RARB: variants seen among roughly 807,000 people sequenced by gnomAD.
RARB encodes the protein HBV-activated protein.
In RARB, 17 loss-of-function variants were observed where a neutral mutation model predicts 51.9. The observed-to-expected ratio is 0.33, with a 90% CI of 0.22 to 0.49. The LOEUF (loss-of-function observed/expected upper bound fraction) is 0.49. RARB is among the 20% of genes least tolerant of loss of function. The pLI, the probability that RARB is intolerant of heterozygous loss-of-function variation, is 0.99. For synonymous variants in RARB, 215 were observed against 195.4 expected, an observed-to-expected ratio of 1.10 and a Z score of -0.84; for missense variants, 369 against 550.8, an observed-to-expected ratio of 0.67 and a Z score of 3.30.
At chr3:24,938,635 C>T (rs967305936) in intron 2 of RARB, among the ~76,000 whole-genome samples, 4 of 152,126 alleles carry the variant, frequency 2.6e-5, no homozygotes, top group Non-Finnish European at 5.9e-5. Flanking sequence ...TAAGCACGCT[C>T]ACAGTGTTGA....
intron 3 of RARB, among the ~76,000 whole-genome samples, chr3:25,540,307 C>G (rs1286770): frequency 4.6e-5 from 7 of 151,998 alleles, no homozygotes; most frequent in Admixed American, 4.6e-4. Flanking sequence ...GGAAGGAAAG[C>G]GGTTTAGGCT....
chr3:25,276,252 G>A (rs1407466182), intron 5 of RARB, among the ~76,000 whole-genome samples: 1 of 152,152 alleles, frequency 6.6e-6, no homozygotes, highest in African/African-American at 2.4e-5. Flanking sequence ...CTGATGTTTA[G>A]TAGTGATCTT....
At chr3:25,274,052 G>T (rs1703320202) in intron 5 of RARB, among the ~76,000 whole-genome samples, 1 of 152,122 alleles carries the variant, frequency 6.6e-6, no homozygotes. Context: ...AGTCCTTCTA[G>T]CCCAGAGCTG....
chr3:25,284,760 G>A (rs374549597), intron 5 of RARB, among the ~76,000 whole-genome samples: 8 of 152,152 alleles, frequency 5.3e-5, no homozygotes, highest in East Asian at 3.9e-4. Flanking sequence ...GCGCAAGTCC[G>A]CTTATATATG....
In RARB at chr3:25,325,572, T is replaced by A. The variant is rs995965261; in HGVS notation, c.179-135621T>A. Among the ~76,000 whole-genome samples the A allele has an allele frequency of 7.2e-5, 11 of 152,198 alleles. No homozygotes were observed. The South Asian group carries it at 2.3e-3, about 32-fold the overall frequency. On this transcript the variant is annotated intron_variant, in intron 5 of 11. Coordinates refer to the RARB transcript ENST00000383772. ...CAGGCACTTCATTTTGTGGGGGTTT[T>A]TTTTTTAATAACACCCCAACTCCTC... is the stretch of plus-strand genomic sequence containing the variant.
intron 2 of RARB, among the ~76,000 whole-genome samples, chr3:24,879,499 T>TC (rs1054782028): frequency 2.0e-5 from 3 of 149,436 alleles, no homozygotes; most frequent in Admixed American, 1.3e-4. Flanking sequence ...TTTTTTTTTT[T>TC]TTTTCTTAAC....
intron 5 of RARB, among the ~76,000 whole-genome samples, chr3:25,302,436 A>T (rs1040431262): frequency 2.0e-5 from 3 of 152,250 alleles, no homozygotes; most frequent in Non-Finnish European, 4.4e-5. Context: ...CATAAAAAAA[A>T]TGAAGTGCCG....
At chr3:25,146,511 G>GTTTTTTTTTTTTTTTTTT (rs1197635626) in intron 4 of RARB, among the ~76,000 whole-genome samples, 2 of 134,522 alleles carry the variant, frequency 1.5e-5, no homozygotes. Flanking sequence ...TTGTTTGTTT[G>GTTTTTTTTTTTTTTTTTT]TTTTTTTTTT....
chr3:25,043,466 A>G (rs1181403136), intron 2 of RARB, among the ~76,000 whole-genome samples: 1 of 152,196 alleles, frequency 6.6e-6, no homozygotes. Flanking sequence ...ATGTGTTTTT[A>G]TTTTATTTCT....
At chr3:24,961,370 T>C (rs1259939054) in intron 2 of RARB, among the ~76,000 whole-genome samples, 1 of 152,238 alleles carries the variant, frequency 6.6e-6, no homozygotes, top group Non-Finnish European at 1.5e-5. Context: ...ACATTTTCAC[T>C]GAAATCTCCC....
intron 2 of RARB, among the ~76,000 whole-genome samples, chr3:25,475,218 T>A (rs186894828): frequency 4.6e-5 from 7 of 152,296 alleles, no homozygotes; most frequent in African/African-American, 7.2e-5. Flanking sequence ...CCTTTGTTAT[T>A]TGATTATTTT....
intron 5 of RARB, among the ~76,000 whole-genome samples, chr3:25,344,882 A>C (rs1456105359): frequency 6.6e-6 from 1 of 152,162 alleles, no homozygotes; most frequent in African/African-American, 2.4e-5. Flanking sequence ...GAGAGAGTGG[A>C]AAGTTTTTAG....
At chr3:24,896,556 G>T (rs1209914124) in intron 2 of RARB, among the ~76,000 whole-genome samples, 1 of 152,132 alleles carries the variant, frequency 6.6e-6, no homozygotes, top group Non-Finnish European at 1.5e-5. Flanking sequence ...ACCGCGCCTG[G>T]CCCTGGTACA....
intron 3 of RARB, among the ~76,000 whole-genome samples, chr3:25,504,313 A>T (rs1021695700): frequency 1.3e-5 from 2 of 152,236 alleles, no homozygotes; most frequent in Non-Finnish European, 1.5e-5. Flanking sequence ...CAGACTGTTA[A>T]TCTATTGACC....
intron 5 of RARB, among the ~76,000 whole-genome samples, chr3:25,407,955 C>G (rs1411511798): frequency 6.6e-6 from 1 of 152,140 alleles, no homozygotes; most frequent in African/African-American, 2.4e-5. Context: ...GATCGAACTC[C>G]AGTTGCCCAC....
At chr3:25,348,406 A>C (rs963712810) in intron 5 of RARB, among the ~76,000 whole-genome samples, 1 of 152,072 alleles carries the variant, frequency 6.6e-6, no homozygotes, top group African/African-American at 2.4e-5. Context: ...AGAGATTATA[A>C]AAGTGTCAGC....
chr3:24,997,587 G>T (rs1051388194), intron 2 of RARB, among the ~76,000 whole-genome samples: 1 of 152,070 alleles, frequency 6.6e-6, no homozygotes, highest in South Asian at 2.1e-4. Flanking sequence ...GTTTCACCAT[G>T]TTAGCCAGGC....
chr3:25,422,673 A>G (rs937173484), intron 5 of RARB, among the ~76,000 whole-genome samples: 18 of 152,092 alleles, frequency 1.2e-4, no homozygotes, highest in African/African-American at 4.3e-4. Flanking sequence ...AGAGAAAGAA[A>G]GATGATTCTG....
At chr3:24,922,697 G>A (rs1373915688) in intron 2 of RARB, among the ~76,000 whole-genome samples, 3 of 152,126 alleles carry the variant, frequency 2.0e-5, no homozygotes, top group African/African-American at 7.2e-5. Context: ...GGTTGATCAA[G>A]GGAAAGGAAG....
Sources: allele counts gnomAD v4.1 joint callset (sites outside exome capture counted in the v4.1 genomes callset), GRCh38; gene constraint gnomAD v4.1.1; transcripts MANE v1.5; gene names NCBI Gene and HGNC (gene_info 2026-07-23, HGNC 2026-07-21).